Variants in MAP7D2 observed in about 807,000 individuals in gnomAD.
The protein encoded by MAP7D2 is MAP7 domain-containing protein 2.
In MAP7D2, 33 loss-of-function variants were observed where a neutral mutation model predicts 63.5. That is an observed-to-expected ratio of 0.52 (90% CI 0.39 to 0.70). The LOEUF (loss-of-function observed/expected upper bound fraction) is 0.70, where lower values mean the gene tolerates loss of function less well. Among genes scored for constraint, MAP7D2 ranks in the 30% least tolerant of loss-of-function variants. MAP7D2 has a pLI of 0.00. For missense variants in MAP7D2, 626 were observed against 604.0 expected, an observed-to-expected ratio of 1.04 and a Z score of -0.38; for synonymous variants, 224 against 223.7, an observed-to-expected ratio of 1.00 and a Z score of -0.01.
chrX:20,045,643 T>C (rs1254670941), intron 6 of MAP7D2, among the ~76,000 whole-genome samples: 1 of 109,715 alleles, frequency 9.1e-6, no homozygotes, highest in Non-Finnish European at 1.9e-5. Context: ...TGGGGTGGTC[T>C]TGGGGAACTC....
chrX:20,029,996 G>A (rs1343120838), intron 8 of MAP7D2, among the ~76,000 whole-genome samples: 2 of 112,033 alleles, frequency 1.8e-5, no homozygotes, highest in Middle Eastern at 4.7e-3. Context: ...CAGACTGCAC[G>A]GCTCTCTGGC....
At chrX:20,054,695 CCTCAGCCTCCTGAGTAG>C (rs2148335299) in intron 4 of MAP7D2, among the ~76,000 whole-genome samples, 1 of 111,524 alleles carries the variant, frequency 9.0e-6, no homozygotes, top group African/African-American at 3.3e-5. Context: ...AATTCTCTTG[CCTCAGCCTCCTGAGTAG>C]CTGGGGCTCC....
At position 20,013,144 on chromosome X, in the gene MAP7D2, T is replaced by C; in HGVS notation, c.1807-12A>G. 1 of 1,171,543 alleles carries C rather than the reference T, an allele frequency of 8.5e-7. No individual in the cohort carries two copies. The highest frequency in any genetic ancestry group is 1.8e-5 in the South Asian group (1 of 54,790). On this transcript the variant is annotated splice_polypyrimidine_tract_variant and intron_variant, in intron 13 of 16. Coordinates refer to ENST00000379643, the MANE Select transcript of MAP7D2 (RefSeq NM_001168465.2). The stretch of plus-strand genomic sequence containing the variant: ...TTGGGGTCTTCTTTCTGAAAACAAA[T>C]GGAAGGTGAATGAAATGAGGGAAGG...
rs1382192216 is a variant in MAP7D2 at position 20,050,845 on chromosome X, A to T, written c.697T>A (p.Ser233Thr). Reference protein sequence around the residue: ...LARSRASVMLSGQANDSVFHV... With the variant: ...LARSRASVMLTGQANDSVFHV... Reference sequence around the variant, plus strand: ...TTACCTGAATCATTGGCCTGCCCAGAGAGCATGACTGAAGCTCTGCTTCTG... The same window carrying T: ...TTACCTGAATCATTGGCCTGCCCAGTGAGCATGACTGAAGCTCTGCTTCTG... Residue 233 changes from serine to threonine, a missense_variant, in exon 6 of 17, where the codon TCT becomes ACT. Physicochemically the swap from Ser to Thr is moderately conservative, Grantham distance 58. Coordinates refer to ENST00000379643, the MANE Select transcript of MAP7D2 (RefSeq NM_001168465.2). 1 of 1,194,139 alleles carries T rather than the reference A, an allele frequency of 8.4e-7. No individual in the cohort carries two copies.
chrX:20,094,552 A>ATATATATATATATATATATGTG, intron 1 of MAP7D2, among the ~76,000 whole-genome samples: 1 of 10,777 alleles, frequency 9.3e-5, no homozygotes, highest in Admixed American at 1.9e-3. Flanking sequence ...GTATATATAT[A>ATATATATATATATATATATGTG]TATATATATA....
At chrX:20,049,827 C>T (rs1056057340) in intron 6 of MAP7D2, 1 of 324,101 alleles carries the variant, frequency 3.1e-6, no homozygotes, top group Admixed American at 3.2e-5. Context: ...AGTGTCTCCA[C>T]ACCTCCACCA....
At chrX:20,052,691 A>G (rs1174636121) in intron 5 of MAP7D2, among the ~76,000 whole-genome samples, 187 bp downstream of exon 5, 1 of 112,432 alleles carries the variant, frequency 8.9e-6, no homozygotes, top group African/African-American at 3.2e-5. Context: ...ACCTGGCTCT[A>G]AAGAGCCGTG....
chrX:20,083,175 GA>G (rs1459550642), intron 1 of MAP7D2, among the ~76,000 whole-genome samples: 1 of 112,386 alleles, frequency 8.9e-6, no homozygotes, highest in African/African-American at 3.2e-5. Flanking sequence ...AGTTGATTTT[GA>G]AAATAGTAAA....
At chrX:20,088,044 C>T (rs770892082) in intron 1 of MAP7D2, among the ~76,000 whole-genome samples, 1 of 107,680 alleles carries the variant, frequency 9.3e-6, no homozygotes, top group South Asian at 4.1e-4. Context: ...TGCATACCAT[C>T]ACGTCCGGCT....
At chrX:20,024,072 A>C (rs1352993001) in intron 10 of MAP7D2, among the ~76,000 whole-genome samples, 2 of 112,097 alleles carry the variant, frequency 1.8e-5, no homozygotes, top group African/African-American at 6.5e-5. Flanking sequence ...CTGGCCTTGA[A>C]GTGCTACAGC....
At chrX:20,096,762 G>A (rs1351861673) in intron 1 of MAP7D2, among the ~76,000 whole-genome samples, 5 of 111,878 alleles carry the variant, frequency 4.5e-5, no homozygotes, top group Admixed American at 3.8e-4. Flanking sequence ...AATGGTTAAA[G>A]TGGTGAATTT....
rs1173935153 is a variant in MAP7D2, at chrX:20,008,296, C to T, written c.*129G>A. 6 of 111,945 alleles carry T rather than the reference C, an allele frequency of 5.4e-5. No homozygotes were observed. Among genetic ancestry groups the T allele is most frequent in the Admixed American group, 3.8e-4 (4 of 10,532 alleles). The allele number at this position is 111,945 out of a possible 1,213,427, so 9.2% of individuals were successfully genotyped here. ...ACTACCTAGGAATACAGTTACATTC[C>T]GAGCTAATAATTTGGGATCCAGCGG... is the stretch of plus-strand genomic sequence containing the variant. On this transcript the variant is annotated 3_prime_UTR_variant, in exon 17 of 17. Coordinates refer to ENST00000379643, the MANE Select transcript of MAP7D2 (RefSeq NM_001168465.2).
rs547039862 is a variant in MAP7D2, at chrX:20,007,631, G to C, written c.*794C>G. 9.0e-6 allele frequency: 1 copy of C among 111,611 alleles called. No individual in the cohort carries two copies. The highest frequency in any genetic ancestry group is 2.8e-4 in the East Asian group (1 of 3,538). 9.2% of individuals were successfully genotyped at this position (111,611 alleles called of 1,213,427 possible). A position where few individuals can be genotyped will look rare whatever the true frequency, so the allele number is the denominator to read the frequency against. ...TTGAAAACCAACCACCTGCACGCGA[G>C]ACATAGGATTCATTCAGCTGGAAAG... On this transcript the variant is annotated 3_prime_UTR_variant, in exon 17 of 17. Transcript: ENST00000379643.
rs745879241 is a variant in MAP7D2 at position 20,027,765 on chromosome X, A to G, written c.1008-1813T>C. Among the ~76,000 whole-genome samples the G allele has an allele frequency of 5.8e-3, 581 of 99,825 alleles. 5 individuals are homozygous for G. The highest frequency in any genetic ancestry group is 5.9e-3 in the Non-Finnish European group (289 of 49,302). 86.7% of individuals were successfully genotyped at this position (99,825 alleles called of 115,157 possible). A position where few individuals can be genotyped will look rare whatever the true frequency, so the allele number is the denominator to read the frequency against. On this transcript the variant is annotated intron_variant, in intron 8 of 16. Transcript: ENST00000379643. ...GGAGAGAGAAGGCGGGGGGAGAGAG[A>G]GAGAGAGAGAGAGAGAGAGAGAGAG...
chrX:20,026,792 G>T (rs1021201464), intron 8 of MAP7D2, among the ~76,000 whole-genome samples: 1 of 111,801 alleles, frequency 8.9e-6, no homozygotes, highest in Non-Finnish European at 1.9e-5. Flanking sequence ...CAGGACAGGG[G>T]TAACAGCTTA....
intron 1 of MAP7D2, among the ~76,000 whole-genome samples, chrX:20,093,644 G>A (rs1176171353): frequency 9.1e-6 from 1 of 110,489 alleles, no homozygotes; most frequent in Non-Finnish European, 1.9e-5. Context: ...GTGACAGAGT[G>A]AGACTCCATC....
At position 20,053,004 on chromosome X, in the gene MAP7D2, T is replaced by C. The variant is rs368584365; in HGVS notation, c.485-16A>G. ...TTGTCACATGCTGCAGAGAAATGCA[T>C]TAAAGACATTGGTATTCATCACACT... On this transcript the variant is annotated splice_polypyrimidine_tract_variant and intron_variant, in intron 4 of 16. Transcript: ENST00000379643. 15 of 1,112,558 alleles carry C rather than the reference T, an allele frequency of 1.3e-5. No individual in the cohort carries two copies. Among genetic ancestry groups the C allele is most frequent in the Non-Finnish European group, 1.9e-5 (15 of 806,205 alleles). The allele number at this position is 1,112,558 out of a possible 1,213,427, so 91.7% of individuals were successfully genotyped here. A position where few individuals can be genotyped will look rare whatever the true frequency, so the allele number is the denominator to read the frequency against.
At chrX:20,094,939 T>C (rs1245424606) in intron 1 of MAP7D2, among the ~76,000 whole-genome samples, 1 of 109,295 alleles carries the variant, frequency 9.1e-6, no homozygotes, top group African/African-American at 3.3e-5. Context: ...TCCCTCTCCC[T>C]TTAGTCCTAA....
At chrX:20,056,221 A>G (rs932568241) in intron 4 of MAP7D2, among the ~76,000 whole-genome samples, 29 of 112,418 alleles carry the variant, frequency 2.6e-4, no homozygotes, top group Middle Eastern at 4.6e-3. Flanking sequence ...AGTCACCTTG[A>G]AACAAAGTCG....
Sources: gnomAD v4.1 joint callset for allele counts (sites outside exome capture counted in the v4.1 genomes callset) on GRCh38, gnomAD v4.1.1 for gene constraint, MANE v1.5 for transcripts, NCBI Gene and HGNC (gene_info 2026-07-23, HGNC 2026-07-21) for gene names.